UNC5B: variants seen among roughly 807,000 people sequenced by gnomAD.
UNC5B encodes the protein unc-5 netrin receptor B.
UNC5B carries 56 observed loss-of-function variants against 103.7 expected under a neutral mutation model. The ratio of observed to expected loss-of-function variants is 0.54; its 90% CI spans 0.44 to 0.67. The LOEUF (loss-of-function observed/expected upper bound fraction) is 0.67, where lower values mean the gene tolerates loss of function less well. UNC5B is among the 30% of genes least tolerant of loss of function. UNC5B has a pLI of 0.00. For synonymous variants in UNC5B, 577 were observed against 542.0 expected (o/e 1.06, Z -0.90); for missense variants, 1,194 against 1,284.5 (o/e 0.93, Z 1.08).
chr10:71,253,318 G>C (rs1024384844), intron 1 of UNC5B, among the ~76,000 whole-genome samples: 4 of 152,340 alleles, frequency 2.6e-5, no homozygotes, highest in South Asian at 2.1e-4. Flanking sequence ...CCTACTGCAA[G>C]GCCCAGGCCC....
rs1158368710 is a variant in UNC5B at position 71,295,971 on chromosome 10, G to A, written c.2325+11G>A. The A allele has an allele frequency of 3.1e-6, 5 of 1,612,428 alleles. No homozygotes were observed. The highest frequency in any genetic ancestry group is 3.4e-6 in the Non-Finnish European group (4 of 1,180,000). ...CTGGCCAAATACCAGGTGAGGGCTG[G>A]GCTGATGGATGGGGAGGGGCACCAC... On this transcript the variant is annotated intron_variant, in intron 14 of 16. Coordinates refer to ENST00000335350, the MANE Select transcript of UNC5B (RefSeq NM_170744.5).
In UNC5B at chr10:71,284,822, CG is replaced by C; in HGVS notation, c.410del (p.Gly137AlafsTer109). 6.2e-7 allele frequency: 1 copy of C among 1,613,466 alleles called. No individual in the cohort carries two copies. Among genetic ancestry groups the C allele is most frequent in the Non-Finnish European group, 8.5e-7 (1 of 1,179,788 alleles). ...YWCQCVAWSS[A>X]GTTKSRRAYV... ...TGCCAGTGCGTGGCCTGGAGCTCCG[CG>C]GGCACCACCAAGAGTCGCCGAGCCT... is the stretch of plus-strand genomic sequence containing the variant. On this transcript the variant is annotated frameshift_variant, in exon 3 of 17. Coordinates refer to ENST00000335350, the MANE Select transcript of UNC5B (RefSeq NM_170744.5). LOFTEE classifies it high-confidence loss of function.
chr10:71,272,976 C>T (rs1306771505), intron 1 of UNC5B, among the ~76,000 whole-genome samples: 1 of 152,180 alleles, frequency 6.6e-6, no homozygotes, highest in Admixed American at 6.5e-5. Flanking sequence ...GCAACTTCCA[C>T]CTCCCAGGTT....
At chr10:71,251,685 C>A (rs921029753) in intron 1 of UNC5B, among the ~76,000 whole-genome samples, 4 of 152,142 alleles carry the variant, frequency 2.6e-5, no homozygotes, top group African/African-American at 9.7e-5. Context: ...CTGCAAAGAC[C>A]CAGAAGGGGT....
rs1178399008 is a variant in UNC5B at position 71,291,636 on chromosome 10, C to G, written c.1499C>G (p.Ala500Gly). 1 of 1,613,968 alleles carries G rather than the reference C, an allele frequency of 6.2e-7. No individual in the cohort carries two copies. Among genetic ancestry groups the G allele is most frequent in the South Asian group, 1.1e-5 (1 of 91,084 alleles). The change falls in exon 10 of 17, where the codon GCT becomes GGT. Residue 500 changes from alanine (A) to glycine (G), a missense_variant. By Grantham distance (60) the Ala-to-Gly change is moderately conservative (BLOSUM62 0). Transcript: ENST00000335350. Reference protein sequence around the residue: ...TGSGPGLADGADLLGVLPPGT... With the variant: ...TGSGPGLADGGDLLGVLPPGT... Reference sequence around the variant, plus strand: ...TCTGGGCCAGGCCTGGCAGATGGGGCTGACCTGCTGGGGGTCTTGCCGCCT... The same window carrying G: ...TCTGGGCCAGGCCTGGCAGATGGGGGTGACCTGCTGGGGGTCTTGCCGCCT...
At chr10:71,273,279 G>T (rs1374688291) in intron 1 of UNC5B, among the ~76,000 whole-genome samples, 2 of 152,252 alleles carry the variant, frequency 1.3e-5, no homozygotes. Context: ...GGAACTGCTA[G>T]TCACTTCTTT....
At position 71,284,967 on chromosome 10, in the gene UNC5B, G is replaced by C; in HGVS notation, c.448+104G>C. The C allele has an allele frequency of 3.4e-6, 5 of 1,475,212 alleles. No individual in the cohort carries two copies. In the South Asian group the frequency reaches 5.4e-5, roughly 16 times the overall value. The allele number at this position is 1,475,212 out of a possible 1,614,324, so 91.4% of individuals were successfully genotyped here. ...CTGTGGGGCCTCCTCCAGCATCCCTGGCTGAGGATGCCCACGGCAGAGACA... is the reference window on the plus strand; with the variant it reads ...CTGTGGGGCCTCCTCCAGCATCCCTCGCTGAGGATGCCCACGGCAGAGACA... On this transcript the variant is annotated intron_variant, in intron 3 of 16. Transcript: ENST00000335350.
chr10:71,252,935 A>AG (rs1236945258), intron 1 of UNC5B, among the ~76,000 whole-genome samples: 20 of 152,128 alleles, frequency 1.3e-4, no homozygotes, highest in Non-Finnish European at 1.8e-4. Context: ...GACAGAGAAG[A>AG]GGGGGTTTTC....
chr10:71,299,946 C>T lies in UNC5B; in HGVS notation c.*669C>T, dbSNP rs1178902140. ...TAAGAAAAAAAAAGAAAATGAAAAA[C>T]AACACAAAAAAAATAGAAAACTCTT... On this transcript the variant is annotated 3_prime_UTR_variant, in exon 17 of 17. Transcript: ENST00000335350. 1.3e-5 allele frequency: 2 copies of T among 151,174 alleles called. No homozygotes were observed. Among genetic ancestry groups the T allele is most frequent in the Non-Finnish European group, 2.9e-5 (2 of 67,882 alleles). The allele number at this position is 151,174 out of a possible 1,614,324, so 9.4% of individuals were successfully genotyped here. A position where few individuals can be genotyped will look rare whatever the true frequency, so the allele number is the denominator to read the frequency against.
At chr10:71,251,039 C>G (rs1242991320) in intron 1 of UNC5B, among the ~76,000 whole-genome samples, 2 of 152,070 alleles carry the variant, frequency 1.3e-5, no homozygotes, top group Non-Finnish European at 2.9e-5. Context: ...TCAGTTGGGT[C>G]AATTAGTGAT....
intron 1 of UNC5B, among the ~76,000 whole-genome samples, chr10:71,263,167 G>A (rs1283334768): frequency 6.6e-6 from 1 of 152,186 alleles, no homozygotes; most frequent in African/African-American, 2.4e-5. Flanking sequence ...CGGGGTGGAG[G>A]CAGTGGGGTT....
chr10:71,268,442 C>T (rs1209704233), intron 1 of UNC5B, among the ~76,000 whole-genome samples: 2 of 152,168 alleles, frequency 1.3e-5, no homozygotes, highest in African/African-American at 4.8e-5. Context: ...TGTCTGGCCT[C>T]AGGGTCCCCA....
chr10:71,285,072 G>A (rs952462354), intron 3 of UNC5B, among the ~76,000 whole-genome samples: 13 of 152,218 alleles, frequency 8.5e-5, no homozygotes, highest in Non-Finnish European at 4.4e-5. Flanking sequence ...CTGTATAAAA[G>A]AAGCTGGCAG....
chr10:71,272,955 TCTCA>T (rs1844682145), intron 1 of UNC5B, among the ~76,000 whole-genome samples: 1 of 152,166 alleles, frequency 6.6e-6, no homozygotes, highest in African/African-American at 2.4e-5. Context: ...AATAGTGAGA[TCTCA>T]CTCACTGCAA....
At chr10:71,284,910 TC>T in intron 3 of UNC5B, 47 bp downstream of exon 3, 1 of 1,541,252 alleles carries the variant, frequency 6.5e-7, no homozygotes. Context: ...ACCTTCCCCA[TC>T]CCTGAGGATG....
chr10:71,291,094 A>G lies in UNC5B; in HGVS notation c.1279A>G (p.Lys427Glu). ...LTGGFHPVNFKTARPSNPQLL... is the reference protein window; with the variant it reads ...LTGGFHPVNFETARPSNPQLL... Reference sequence around the variant, plus strand: ...TGGTGGTTTCCACCCCGTCAACTTTAAGACGGCAAGGCCCAGTAAGAACCC... The same window carrying G: ...TGGTGGTTTCCACCCCGTCAACTTTGAGACGGCAAGGCCCAGTAAGAACCC... The change falls in exon 9 of 17, where the codon AAG (lysine) becomes GAG (glutamate). Residue 427 changes from lysine (K) to glutamate (E), a missense_variant. Coordinates refer to ENST00000335350, the MANE Select transcript of UNC5B (RefSeq NM_170744.5). The G allele has an allele frequency of 3.1e-6, 5 of 1,613,594 alleles. No homozygotes were observed. The South Asian group carries it at 5.5e-5, about 18-fold the overall frequency.
intron 1 of UNC5B, among the ~76,000 whole-genome samples, chr10:71,252,323 A>G (rs1844191887): frequency 6.6e-6 from 1 of 152,160 alleles, no homozygotes; most frequent in Non-Finnish European, 1.5e-5. Flanking sequence ...CTCTGCATTG[A>G]GCAGGATAGA....
chr10:71,288,442 G>T lies in UNC5B; in HGVS notation c.902-126G>T, dbSNP rs1023363389. 2.9e-6 allele frequency: 4 copies of T among 1,386,598 alleles called. No individual in the cohort carries two copies. The African/African-American group carries it at 5.8e-5, about 20-fold the overall frequency. 85.9% of individuals were successfully genotyped at this position (1,386,598 alleles called of 1,614,324 possible). ...TCTGTGTGGCACACATGTGTTCTGG[G>T]TTCCTCATTTCCTTCCATGGTGTGT... On this transcript the variant is annotated intron_variant, in intron 6 of 16. Transcript: ENST00000335350.
At chr10:71,220,763 G>A (rs1401228843) in intron 1 of UNC5B, among the ~76,000 whole-genome samples, 1 of 152,222 alleles carries the variant, frequency 6.6e-6, no homozygotes, top group Non-Finnish European at 1.5e-5. Flanking sequence ...CTGCCCCGGA[G>A]AGAGCCTAGC....
Sources: gnomAD v4.1 joint callset for allele counts (sites outside exome capture counted in the v4.1 genomes callset) on GRCh38, gnomAD v4.1.1 for gene constraint, MANE v1.5 for transcripts, NCBI Gene and HGNC (gene_info 2026-07-23, HGNC 2026-07-21) for gene names.